Variants in VOPP1 observed in about 807,000 individuals in gnomAD.
VOPP1 encodes the protein WW domain binding protein VOPP1.
A neutral mutation model predicts 23.5 loss-of-function variants in VOPP1; 8 were observed. The observed-to-expected ratio is 0.34, with a 90% CI of 0.20 to 0.61. The LOEUF is 0.61. VOPP1 is among the 20% of genes least tolerant of loss of function. The pLI, the probability that VOPP1 is intolerant of heterozygous loss-of-function variation, is 0.78. For synonymous variants in VOPP1, 83 were observed against 97.3 expected (o/e 0.85, Z 0.86); for missense variants, 174 against 238.1 (o/e 0.73, Z 1.77).
intron 2 of VOPP1, 100 bp downstream of exon 2, chr7:55,520,962 GGCTGGGCCAC>G (rs1230224386): frequency 8.5e-7 from 1 of 1,181,734 alleles, no homozygotes; most frequent in Middle Eastern, 2.0e-4. Flanking sequence ...CCGCAGCAGA[GGCTGGGCCAC>G]GCCGGGCTTT....
intron 1 of VOPP1, among the ~76,000 whole-genome samples, chr7:55,550,209 C>T (rs997136108): frequency 4.6e-5 from 7 of 152,242 alleles, no homozygotes; most frequent in African/African-American, 1.7e-4. Context: ...GCCATAAAAG[C>T]CGAAGGTGCG....
intron 3 of VOPP1, among the ~76,000 whole-genome samples, chr7:55,492,655 G>A (rs953116324): frequency 2.0e-5 from 3 of 152,176 alleles, no homozygotes; most frequent in South Asian, 2.1e-4. Context: ...CTTGACCTGC[G>A]GCCTCTGGGA....
In VOPP1 at chr7:55,557,057, C is replaced by T. The variant is rs992277677; in HGVS notation, c.54+15214G>A. Among the ~76,000 whole-genome samples the T allele has an allele frequency of 1.1e-4, 16 of 152,196 alleles. 1 individual carries two copies. The highest frequency in any genetic ancestry group is 7.3e-5 in the Non-Finnish European group (5 of 68,036). ...TAAATGAAGCCTTCACTTCCTACTTCGGAAAACTGACTCCATTTCTTCGGA... is the reference window on the plus strand; with the variant it reads ...TAAATGAAGCCTTCACTTCCTACTTTGGAAAACTGACTCCATTTCTTCGGA... On this transcript the variant is annotated intron_variant, in intron 1 of 4. Coordinates refer to ENST00000285279, the MANE Select transcript of VOPP1 (RefSeq NM_030796.5).
chr7:55,484,733 G>A (rs1793002494), intron 4 of VOPP1, among the ~76,000 whole-genome samples: 2 of 152,222 alleles, frequency 1.3e-5, no homozygotes, highest in Non-Finnish European at 2.9e-5. Context: ...AATGGTTACT[G>A]TAAAAGACGT....
At chr7:55,461,216 G>A (rs1224711748) in intron 4 of VOPP1, among the ~76,000 whole-genome samples, 1 of 152,076 alleles carries the variant, frequency 6.6e-6, no homozygotes, top group Non-Finnish European at 1.5e-5. Context: ...TGACACAATG[G>A]ACTTTGGGGA....
At chr7:55,528,848 T>C (rs2129045530) in intron 1 of VOPP1, among the ~76,000 whole-genome samples, 1 of 152,314 alleles carries the variant, frequency 6.6e-6, no homozygotes, top group East Asian at 1.9e-4. Flanking sequence ...TAAAGCTGTA[T>C]TCATAGAAAG....
intron 1 of VOPP1, 103 bp from the exon 2 acceptor site, chr7:55,521,233 C>G: frequency 2.5e-6 from 3 of 1,218,052 alleles, no homozygotes; most frequent in Non-Finnish European, 3.5e-6. Flanking sequence ...CACAGCTTAA[C>G]CCATGAAAAG....
At chr7:55,468,301 A>C (rs1791686272), downstream of VOPP1, among the ~76,000 whole-genome samples, 1 of 151,846 alleles carries the variant, frequency 6.6e-6, no homozygotes, top group Non-Finnish European at 1.5e-5. Context: ...AAAAAAAAGA[A>C]AGAAAGAAAG....
downstream of VOPP1, among the ~76,000 whole-genome samples, chr7:55,469,718 T>G (rs147356591): frequency 5.3e-5 from 8 of 152,312 alleles, no homozygotes; most frequent in East Asian, 1.5e-3. Flanking sequence ...GGAAAAGAAC[T>G]GTATGGCCTA....
intron 1 of VOPP1, chr7:55,561,961 T>C (rs1350987211): frequency 2.8e-6 from 2 of 703,226 alleles, no homozygotes; most frequent in Non-Finnish European, 5.2e-6. Context: ...AGTGAAAGTA[T>C]GGTGCCTTCA....
chr7:55,554,440 G>A (rs942036975), intron 1 of VOPP1, among the ~76,000 whole-genome samples: 4 of 152,230 alleles, frequency 2.6e-5, no homozygotes, highest in Non-Finnish European at 5.9e-5. Flanking sequence ...GGTTTCAAAA[G>A]CTCACATGGG....
chr7:55,443,791 C>T (rs1194912263), intron 4 of VOPP1, among the ~76,000 whole-genome samples: 1 of 151,828 alleles, frequency 6.6e-6, no homozygotes, highest in Non-Finnish European at 1.5e-5. Flanking sequence ...ATTATAGGCG[C>T]ACATCACCAC....
intron 3 of VOPP1, among the ~76,000 whole-genome samples, chr7:55,493,681 T>C (rs1282874420): frequency 6.6e-6 from 1 of 151,902 alleles, no homozygotes; most frequent in Non-Finnish European, 1.5e-5. Flanking sequence ...CAGCAATGAG[T>C]AGACAGGTGA....
At chr7:55,499,924 C>T (rs990624370) in intron 2 of VOPP1, among the ~76,000 whole-genome samples, 3 of 152,068 alleles carry the variant, frequency 2.0e-5, no homozygotes, top group Non-Finnish European at 2.9e-5. Context: ...TCACTGGTGT[C>T]GGTTGATCAA....
At chr7:55,447,661 A>G (rs1245855078) in intron 4 of VOPP1, among the ~76,000 whole-genome samples, 1 of 152,246 alleles carries the variant, frequency 6.6e-6, no homozygotes, top group East Asian at 1.9e-4. Context: ...TATGTATGCT[A>G]TAAATATACG....
At chr7:55,510,570 C>CTTTTTTTTTTTTT (rs34545604) in intron 2 of VOPP1, among the ~76,000 whole-genome samples, 1 of 119,824 alleles carries the variant, frequency 8.3e-6, no homozygotes. Flanking sequence ...AGGGCACTGG[C>CTTTTTTTTTTTTT]TTTTTTTTTT....
At chr7:55,505,610 AAGAG>A (rs991885152) in intron 2 of VOPP1, among the ~76,000 whole-genome samples, 2 of 137,234 alleles carry the variant, frequency 1.5e-5, no homozygotes, top group Non-Finnish European at 1.5e-5. Flanking sequence ...TTAATTTAGA[AAGAG>A]AGAGGGGGAA....
intron 1 of VOPP1, chr7:55,552,948 CGCTG>C: frequency 1.4e-6 from 1 of 706,210 alleles, no homozygotes; most frequent in Non-Finnish European, 2.0e-6. Flanking sequence ...AATGCTAAGG[CGCTG>C]TAGGAAAAGA....
At chr7:55,545,066 A>G (rs1281418354) in intron 1 of VOPP1, among the ~76,000 whole-genome samples, 1 of 152,260 alleles carries the variant, frequency 6.6e-6, no homozygotes, top group African/African-American at 2.4e-5. Context: ...GGCAAATAGT[A>G]GAAGAACCAG....
Sources: gnomAD v4.1 joint callset for allele counts (sites outside exome capture counted in the v4.1 genomes callset) on GRCh38, gnomAD v4.1.1 for gene constraint, MANE v1.5 for transcripts, NCBI Gene and HGNC (gene_info 2026-07-23, HGNC 2026-07-21) for gene names.